NSG2: variants seen among roughly 807,000 people sequenced by gnomAD.
The protein encoded by NSG2 is neuronal vesicle trafficking-associated protein 2.
A neutral mutation model predicts 16.9 loss-of-function variants in NSG2; 4 were observed. The ratio of observed to expected loss-of-function variants is 0.24; its 90% CI spans 0.12 to 0.54. NSG2 has a LOEUF of 0.54. Among genes scored for constraint, NSG2 ranks in the 20% least tolerant of loss-of-function variants. The pLI, the probability that NSG2 is intolerant of heterozygous loss-of-function variation, is 0.95. For missense variants in NSG2, 179 were observed against 221.1 expected (o/e 0.81, Z 1.21); for synonymous variants, 98 against 88.7 (o/e 1.11, Z -0.59).
At chr5:174,102,444 C>A (rs1760909698) in intron 3 of NSG2, among the ~76,000 whole-genome samples, 1 of 152,184 alleles carries the variant, frequency 6.6e-6, no homozygotes, top group South Asian at 2.1e-4. Flanking sequence ...GGCCAACTGA[C>A]TGAAAGGGAC....
chr5:174,057,862 G>C (rs111385324), intron 2 of NSG2, among the ~76,000 whole-genome samples: 1 of 152,096 alleles, frequency 6.6e-6, no homozygotes, highest in Non-Finnish European at 1.5e-5. Flanking sequence ...TCTCTCCCTC[G>C]ATCTAGAGGG....
chr5:174,103,768 GAAACCCTGTCTCTACT>G (rs1260430204), intron 3 of NSG2, among the ~76,000 whole-genome samples: 5 of 152,076 alleles, frequency 3.3e-5, no homozygotes, highest in Non-Finnish European at 7.4e-5. Flanking sequence ...CCAACATGGT[GAAACCCTGTCTCTACT>G]AAACCCTGTC....
intron 3 of NSG2, among the ~76,000 whole-genome samples, chr5:174,093,002 T>C (rs1760743707): frequency 6.6e-6 from 1 of 152,204 alleles, no homozygotes; most frequent in Non-Finnish European, 1.5e-5. Context: ...GTTCTTATAA[T>C]AATGGTGCAA....
At chr5:174,073,685 T>G (rs1760283171) in intron 3 of NSG2, among the ~76,000 whole-genome samples, 1 of 152,204 alleles carries the variant, frequency 6.6e-6, no homozygotes. Context: ...AACATTCCTC[T>G]GAGACAGAAA....
At chr5:174,066,693 T>TA (rs1760144832) in intron 3 of NSG2, among the ~76,000 whole-genome samples, 1 of 151,860 alleles carries the variant, frequency 6.6e-6, no homozygotes, top group Non-Finnish European at 1.5e-5. Context: ...GTGTGCTTTT[T>TA]TAAAAAAAAA....
chr5:174,057,030 G>T (rs1759977179), intron 2 of NSG2, among the ~76,000 whole-genome samples: 1 of 152,188 alleles, frequency 6.6e-6, no homozygotes, highest in African/African-American at 2.4e-5. Flanking sequence ...CAGCTGACAG[G>T]ACAATGGGGA....
At chr5:174,067,333 G>C (rs1018738596) in intron 3 of NSG2, among the ~76,000 whole-genome samples, 1 of 147,734 alleles carries the variant, frequency 6.8e-6, no homozygotes, top group African/African-American at 2.6e-5. Context: ...CAGAGCCAGG[G>C]CCTGGCGGCC....
chr5:174,080,520 T>G (rs920208417), intron 3 of NSG2, among the ~76,000 whole-genome samples: 1 of 102,606 alleles, frequency 9.7e-6, no homozygotes, highest in Non-Finnish European at 2.3e-5. Flanking sequence ...TCCCTCTTTC[T>G]TTCTTTCTCT....
At chr5:174,074,458 G>A (rs192199354) in intron 3 of NSG2, among the ~76,000 whole-genome samples, 15 of 152,168 alleles carry the variant, frequency 9.9e-5, no homozygotes, top group East Asian at 1.9e-4. Flanking sequence ...TGACGCTGCC[G>A]TAGCTCAGTT....
chr5:174,073,421 G>A (rs1464150614), intron 3 of NSG2, among the ~76,000 whole-genome samples: 1 of 152,206 alleles, frequency 6.6e-6, no homozygotes, highest in African/African-American at 2.4e-5. Context: ...GCTGGGTTAG[G>A]AGCAGAGTCA....
At chr5:174,052,169 C>T (rs1356521178) in intron 2 of NSG2, among the ~76,000 whole-genome samples, 1 of 152,064 alleles carries the variant, frequency 6.6e-6, no homozygotes, top group Non-Finnish European at 1.5e-5. Flanking sequence ...GATTAGTGTC[C>T]CCCAAAACAG....
chr5:174,097,562 T>G (rs1410268193), intron 3 of NSG2, among the ~76,000 whole-genome samples: 1 of 149,254 alleles, frequency 6.7e-6, no homozygotes, highest in Non-Finnish European at 1.5e-5. Context: ...TGTCTCTGTG[T>G]GTGTAACTGT....
chr5:174,052,829 G>C (rs59922108), intron 2 of NSG2, among the ~76,000 whole-genome samples: 23,914 of 152,180 alleles, frequency 0.16, 2,463 homozygotes, highest in African/African-American at 0.29. Flanking sequence ...GGTGGCAGGT[G>C]TGCAGAAAGC....
chr5:174,072,420 G>T lies in NSG2; in HGVS notation c.213+8105G>T, dbSNP rs1760259596. ...GATTGTCTTTCCTGCCTGCCATGGG[G>T]CCATCTCCCTATTCATCCCTCAACA... On this transcript the variant is annotated intron_variant, in intron 3 of 4. Transcript: ENST00000303177. The surrounding 1 kb of genome is among the most constrained non-coding windows in gnomAD (Gnocchi z 4.0). Among the ~76,000 whole-genome samples the T allele has an allele frequency of 6.6e-6, 1 of 152,234 alleles. No individual in the cohort carries two copies. Among genetic ancestry groups the T allele is most frequent in the African/African-American group, 2.4e-5 (1 of 41,458 alleles).
chr5:174,087,707 G>GATCCT (rs1760653810), intron 3 of NSG2, among the ~76,000 whole-genome samples: 1 of 151,838 alleles, frequency 6.6e-6, no homozygotes, highest in Admixed American at 6.6e-5. Context: ...AGGATCGCTT[G>GATCCT]TGCCTGGGAG....
chr5:174,046,975 C>G, intron 2 of NSG2, 91 bp downstream of exon 2: 1 of 1,335,680 alleles, frequency 7.5e-7, no homozygotes, highest in Non-Finnish European at 1.1e-6. Flanking sequence ...CAAATCCTTT[C>G]ATTCTCTTAT....
At chr5:174,091,086 G>A (rs1237789971) in intron 3 of NSG2, 1 of 148,576 alleles carries the variant, frequency 6.7e-6, no homozygotes, top group African/African-American at 2.5e-5. Context: ...CAAGAAAGGG[G>A]ATTAAGGAAT....
intron 3 of NSG2, among the ~76,000 whole-genome samples, chr5:174,098,134 G>C (rs1372662063): frequency 1.3e-5 from 2 of 152,146 alleles, no homozygotes. Context: ...GCTGAATGCT[G>C]AGGAGATGTT....
intron 2 of NSG2, among the ~76,000 whole-genome samples, chr5:174,052,923 G>A (rs867062410): frequency 1.9e-4 from 29 of 152,180 alleles, no homozygotes; most frequent in African/African-American, 6.3e-4. Context: ...CTGGGCAAAC[G>A]CTTCTTTTCT....
Sources: gnomAD v4.1 joint callset for allele counts (sites outside exome capture counted in the v4.1 genomes callset) on GRCh38, gnomAD v4.1.1 for gene constraint, Gnocchi (gnomAD v3.1) non-coding constraint, MANE v1.5 for transcripts, NCBI Gene and HGNC (gene_info 2026-07-23, HGNC 2026-07-21) for gene names.